Variants in TSPAN3 observed in about 807,000 individuals in gnomAD.
The protein encoded by TSPAN3 is tetraspanin-3.
In TSPAN3, 9 loss-of-function variants were observed where a neutral mutation model predicts 31.1. The ratio of observed to expected loss-of-function variants is 0.29; its 90% CI spans 0.17 to 0.50. TSPAN3 has a LOEUF of 0.50. Ranked by LOEUF, TSPAN3 falls within the 20% of genes least tolerant of loss-of-function variation. The pLI, the probability that TSPAN3 is intolerant of heterozygous loss-of-function variation, is 0.98. For missense variants in TSPAN3, 252 were observed against 313.5 expected, an observed-to-expected ratio of 0.80 and a Z score of 1.48; for synonymous variants, 129 against 114.3, an observed-to-expected ratio of 1.13 and a Z score of -0.82.
rs545922657 is a variant in TSPAN3, at chr15:77,046,297, C to T, written c.*538G>A. 14 of 398,530 alleles carry T rather than the reference C, an allele frequency of 3.5e-5. No individual in the cohort carries two copies. In the South Asian group the frequency reaches 4.0e-4, roughly 11 times the overall value. The allele number at this position is 398,530 out of a possible 1,614,324, so 24.7% of individuals were successfully genotyped here. The stretch of plus-strand genomic sequence containing the variant: ...GATTTTGAAGATGAACCAAGATATA[C>T]GCCATATGATCCTACAATCTATTTT... On this transcript the variant is annotated 3_prime_UTR_variant, in exon 7 of 7. Transcript: ENST00000267970.
chr15:77,066,571 C>CAAAAAAAAAAAAAAAA (rs35737479), intron 1 of TSPAN3, among the ~76,000 whole-genome samples: 3 of 59,354 alleles, frequency 5.1e-5, no homozygotes, highest in African/African-American at 1.5e-4. Flanking sequence ...GACTTCGTCT[C>CAAAAAAAAAAAAAAAA]AAAAAAAAAA....
At chr15:77,064,430 GAA>G in intron 1 of TSPAN3, 1 of 148,686 alleles carries the variant, frequency 6.7e-6, no homozygotes, top group Middle Eastern at 3.5e-3. Flanking sequence ...TACATTTTCT[GAA>G]AAAAAAAATC....
At chr15:77,066,403 C>CT (rs1329820719) in intron 1 of TSPAN3, among the ~76,000 whole-genome samples, 1 of 151,816 alleles carries the variant, frequency 6.6e-6, no homozygotes, top group Admixed American at 6.6e-5. Flanking sequence ...AACCCTGTCT[C>CT]TGTTAAAAAA....
rs1407625951 is a variant in TSPAN3, at chr15:77,043,065, T to G, written c.*3770A>C. On this transcript the variant is annotated 3_prime_UTR_variant, in exon 7 of 7. Transcript: ENST00000267970. ...AAGATGGCCTTTTTCTTCTGTCTCC[T>G]TTCGTCCTGCACGGGTCCCAGCAGC... is the stretch of plus-strand genomic sequence containing the variant. The G allele has an allele frequency of 6.6e-6, 1 of 152,330 alleles. No individual in the cohort carries two copies. The highest frequency in any genetic ancestry group is 1.5e-5 in the Non-Finnish European group (1 of 68,190). 9.4% of individuals were successfully genotyped at this position (152,330 alleles called of 1,614,324 possible). A position where few individuals can be genotyped will look rare whatever the true frequency, so the allele number is the denominator to read the frequency against.
At chr15:77,055,475 G>A in intron 3 of TSPAN3, 1 of 213,854 alleles carries the variant, frequency 4.7e-6, no homozygotes, top group South Asian at 1.3e-4. Context: ...GCAGAAATCA[G>A]AAAATTATGC....
intron 3 of TSPAN3, chr15:77,055,135 G>C (rs2076760310): frequency 6.6e-6 from 1 of 152,152 alleles, no homozygotes; most frequent in Admixed American, 6.5e-5. Flanking sequence ...TAATGAGAAT[G>C]AGTCTATTAT....
intron 6 of TSPAN3, 50 bp from the exon 7 acceptor site, chr15:77,046,977 G>T: frequency 2.1e-6 from 3 of 1,421,676 alleles, no homozygotes; most frequent in Non-Finnish European, 1.9e-6. Context: ...ACCCTCTCAT[G>T]GCAGGTGTGT....
chr15:77,054,109 A>G, intron 4 of TSPAN3, 69 bp downstream of exon 4: 1 of 1,063,742 alleles, frequency 9.4e-7, no homozygotes, highest in Non-Finnish European at 1.5e-6. Flanking sequence ...ACACAGAAAT[A>G]GCAGTTAGTT....
Position 77,056,251 on chromosome 15 carries a change from G to A in TSPAN3, c.68C>T (p.Ala23Val). The A allele has an allele frequency of 6.3e-7, 1 of 1,592,300 alleles. No homozygotes were observed. The highest frequency in any genetic ancestry group is 8.5e-7 in the Non-Finnish European group (1 of 1,172,772). The change falls in exon 2 of 7, where the codon GCA becomes GTA. Residue 23 changes from alanine to valine, a missense_variant. Coordinates refer to ENST00000267970, the MANE Select transcript of TSPAN3 (RefSeq NM_005724.6). ...LVFLNLIFWG[A>V]AGILCYVGAY... The stretch of plus-strand genomic sequence containing the variant: ...TCCCACATAGCATAAAATGCCAGCT[G>A]CCCCCTGTAGAAAACAAAGTCAGTA...
Position 77,052,381 on chromosome 15 carries a change from T to C in TSPAN3, c.669+4A>G, listed in dbSNP as rs540606828. The C allele has an allele frequency of 3.8e-4, 607 of 1,614,120 alleles. 1 individual carries two copies. The highest frequency in any genetic ancestry group is 4.8e-4 in the Non-Finnish European group (570 of 1,179,932). On this transcript the variant is annotated splice_donor_region_variant and intron_variant, in intron 6 of 6. Transcript: ENST00000267970. Reference sequence around the variant, plus strand: ...GATAGAACTCCTTGGCAAGCTGTGCTTACCTGAATAGCTGCAAATGCCAGT... The same window carrying C: ...GATAGAACTCCTTGGCAAGCTGTGCCTACCTGAATAGCTGCAAATGCCAGT...
At chr15:77,067,400 T>A (rs530746886) in intron 1 of TSPAN3, among the ~76,000 whole-genome samples, 1 of 152,292 alleles carries the variant, frequency 6.6e-6, no homozygotes, top group East Asian at 1.9e-4. Flanking sequence ...CACAGTTCAA[T>A]GAACAAAATG....
In TSPAN3 at chr15:77,054,250, C is replaced by G. The variant is rs1168429556; in HGVS notation, c.360G>C (p.Gln120His). The part of the protein sequence containing the change: ...KVENEVDRSI[Q>H]KVYKTYNGTN... ...TTCCATTGTAGGTCTTATACACTTTCTGAATGCTGCGATCAACCTCATTTT... is the reference window on the plus strand; with the variant it reads ...TTCCATTGTAGGTCTTATACACTTTGTGAATGCTGCGATCAACCTCATTTT... The change falls in exon 4 of 7, where the codon CAG (glutamine) becomes CAC (histidine). Residue 120 changes from glutamine (Q) to histidine (H), a missense_variant. Physicochemically the swap from Gln to His is conservative, Grantham distance 24 (BLOSUM62 0). Coordinates refer to ENST00000267970, the MANE Select transcript of TSPAN3 (RefSeq NM_005724.6). 6.2e-7 allele frequency: 1 copy of G among 1,613,720 alleles called. No homozygotes were observed. The highest frequency in any genetic ancestry group is 1.1e-5 in the South Asian group (1 of 91,054).
chr15:77,054,112 A>C (rs2076752189), intron 4 of TSPAN3, 66 bp downstream of exon 4: 5 of 1,075,436 alleles, frequency 4.6e-6, no homozygotes, highest in Non-Finnish European at 7.2e-6. Context: ...CAGAAATAGC[A>C]GTTAGTTTAA....
chr15:77,052,997 A>G, intron 4 of TSPAN3, 68 bp from the exon 5 acceptor site: 1 of 1,462,892 alleles, frequency 6.8e-7, no homozygotes, highest in Non-Finnish European at 9.3e-7. Context: ...TGTACTACAG[A>G]GCTTTAAAAT....
In TSPAN3 at chr15:77,042,478, G is replaced by A. The variant is rs2076665559; in HGVS notation, c.*4357C>T. On this transcript the variant is annotated 3_prime_UTR_variant, in exon 7 of 7. Coordinates refer to ENST00000267970, the MANE Select transcript of TSPAN3 (RefSeq NM_005724.6). ...TCTTGTTAGATCAGAAATTAGGGGAGTGCTTCCAAAAATGCTGGGATATAG... is the reference window on the plus strand; with the variant it reads ...TCTTGTTAGATCAGAAATTAGGGGAATGCTTCCAAAAATGCTGGGATATAG... 6.6e-6 allele frequency: 1 copy of A among 152,144 alleles called. No homozygotes were observed. The highest frequency in any genetic ancestry group is 2.1e-4 in the South Asian group (1 of 4,820). The allele number at this position is 152,144 out of a possible 1,614,324, so 9.4% of individuals were successfully genotyped here. A position where few individuals can be genotyped will look rare whatever the true frequency, so the allele number is the denominator to read the frequency against.
At chr15:77,050,937 C>A (rs113254163) in intron 6 of TSPAN3, among the ~76,000 whole-genome samples, 18 of 152,092 alleles carry the variant, frequency 1.2e-4, no homozygotes, top group African/African-American at 4.1e-4. Context: ...TTTTAAAAGG[C>A]CTTTCCCATT....
intron 3 of TSPAN3, 112 bp from the exon 4 acceptor site, chr15:77,054,391 G>A: frequency 1.4e-6 from 1 of 722,054 alleles, no homozygotes; most frequent in Non-Finnish European, 2.3e-6. Context: ...AGATATCTAT[G>A]AATTTCCTGT....
rs2076768836 is a variant in TSPAN3 at position 77,056,340 on chromosome 15, G to C, written c.64-85C>G. 6 of 1,078,220 alleles carry C rather than the reference G, an allele frequency of 5.6e-6. No homozygotes were observed. The Admixed American group carries it at 8.4e-5, about 15-fold the overall frequency. 66.8% of individuals were successfully genotyped at this position (1,078,220 alleles called of 1,614,324 possible). On this transcript the variant is annotated intron_variant, in intron 1 of 6. Transcript: ENST00000267970. ...TGCTTAGTATGGTATAATTTAATGA[G>C]AGTTACCGTAACTGTTATAGACTTT...
chr15:77,066,139 A>G (rs1051181573), intron 1 of TSPAN3, among the ~76,000 whole-genome samples: 1 of 152,196 alleles, frequency 6.6e-6, no homozygotes, highest in African/African-American at 2.4e-5. Flanking sequence ...CGGAATAAAA[A>G]CTTAATGGTA....
Sources: gnomAD v4.1 joint callset for allele counts (sites outside exome capture counted in the v4.1 genomes callset) on GRCh38, gnomAD v4.1.1 for gene constraint, MANE v1.5 for transcripts, NCBI Gene and HGNC (gene_info 2026-07-23, HGNC 2026-07-21) for gene names.